JAKMIP3: variants seen among roughly 807,000 people sequenced by gnomAD.
JAKMIP3 encodes janus kinase and microtubule-interacting protein 3.
A neutral mutation model predicts 118.5 loss-of-function variants in JAKMIP3; 58 were observed. The ratio of observed to expected loss-of-function variants is 0.49; its 90% CI spans 0.40 to 0.61. The LOEUF is 0.61. Among genes scored for constraint, JAKMIP3 ranks in the 20% least tolerant of loss-of-function variants. The pLI is 0.00. For synonymous variants in JAKMIP3, 486 were observed against 451.2 expected (o/e 1.08, Z -0.98); for missense variants, 950 against 1,109.0 (o/e 0.86, Z 2.04).
intron 9 of JAKMIP3, among the ~76,000 whole-genome samples, chr10:132,139,389 T>C (rs1388770557): frequency 6.8e-6 from 1 of 148,108 alleles, no homozygotes; most frequent in African/African-American, 2.6e-5. Flanking sequence ...TATGTGAGTG[T>C]ATGAGTATGT....
upstream of JAKMIP3, among the ~76,000 whole-genome samples, chr10:132,036,616 C>T (rs1386417280): frequency 3.3e-5 from 5 of 150,772 alleles, no homozygotes; most frequent in African/African-American, 9.7e-5. Context: ...GTGGGGGCGG[C>T]GGGGCGGGCC....
upstream of JAKMIP3, among the ~76,000 whole-genome samples, chr10:132,061,705 A>G (rs2038404168): frequency 6.6e-6 from 1 of 152,226 alleles, no homozygotes. Flanking sequence ...GGAAGGGTGC[A>G]CGCTTGGCTT....
chr10:132,172,445 G>T lies in JAKMIP3; in HGVS notation c.*1103+3412G>T, dbSNP rs537996067. 7.9e-5 allele frequency among the ~76,000 whole-genome samples: 12 copies of T among 152,038 alleles called. 1 individual carries two copies. ...AACACCACGTTTCTCTGTGAACGTTGCCCCGATCTCCGCACCCGTTGGTGG... is the reference window on the plus strand; with the variant it reads ...AACACCACGTTTCTCTGTGAACGTTTCCCCGATCTCCGCACCCGTTGGTGG... On this transcript the variant is annotated intron_variant, in intron 23 of 23. Transcript: ENST00000684848.
chr10:132,097,929 C>CTTCCTTTT (rs1395754610), intron 1 of JAKMIP3, among the ~76,000 whole-genome samples: 2 of 23,536 alleles, frequency 8.5e-5, no homozygotes, highest in Admixed American at 4.5e-4. Context: ...CCTTTCCTTC[C>CTTCCTTTT]CCTTCCCCTT....
intron 1 of JAKMIP3, among the ~76,000 whole-genome samples, chr10:132,093,520 C>T (rs1004056168): frequency 4.6e-5 from 7 of 152,188 alleles, no homozygotes; most frequent in South Asian, 4.1e-4. Flanking sequence ...GCTCCGTGGG[C>T]GTGGGACCCT....
At chr10:132,180,548 T>TGTGTGTGTGCGC (rs1447452932) in intron 23 of JAKMIP3, among the ~76,000 whole-genome samples, 6 of 30,836 alleles carry the variant, frequency 1.9e-4, no homozygotes, top group African/African-American at 1.1e-3. Flanking sequence ...TGTGTGTGCG[T>TGTGTGTGTGCGC]GCGTGCATGC....
chr10:132,077,413 G>A lies in JAKMIP3; in HGVS notation c.-138+11352G>A, dbSNP rs113152190. On this transcript the variant is annotated intron_variant, in intron 1 of 23. Coordinates refer to ENST00000684848, the MANE Select transcript of JAKMIP3 (RefSeq NM_001323087.2). The stretch of plus-strand genomic sequence containing the variant: ...AACTTGGTCCCAGCTCTTCTGAAGG[G>A]CACACTGGGCCACAGGGGGCCCGAA... Among the ~76,000 whole-genome samples, 408 of 152,278 alleles carry A rather than the reference G, an allele frequency of 2.7e-3. 4 individuals carry two copies. The highest frequency in any genetic ancestry group is 9.2e-3 in the African/African-American group (381 of 41,562).
intron 3 of JAKMIP3, among the ~76,000 whole-genome samples, chr10:132,130,026 T>C (rs2050276137): frequency 6.6e-6 from 1 of 152,110 alleles, no homozygotes; most frequent in Non-Finnish European, 1.5e-5. Flanking sequence ...TCCCAAGGGT[T>C]AATTCCCAGA....
rs1026833304 is a variant in JAKMIP3, at chr10:132,183,128, A to G, written c.*1875A>G. 1 of 152,226 alleles carries G rather than the reference A, an allele frequency of 6.6e-6. No individual in the cohort carries two copies. Among genetic ancestry groups the G allele is most frequent in the Admixed American group, 6.5e-5 (1 of 15,286 alleles). The allele number at this position is 152,226 out of a possible 1,614,324, so 9.4% of individuals were successfully genotyped here. On this transcript the variant is annotated 3_prime_UTR_variant, in exon 24 of 24. Coordinates refer to ENST00000684848, the MANE Select transcript of JAKMIP3 (RefSeq NM_001323087.2). ...ACTGCATCTTCTTGGCACATTTATTATACTCACAACTGAATGGCACACAAT... is the reference window on the plus strand; with the variant it reads ...ACTGCATCTTCTTGGCACATTTATTGTACTCACAACTGAATGGCACACAAT...
At chr10:132,060,849 G>A (rs1316952097), upstream of JAKMIP3, among the ~76,000 whole-genome samples, 8 of 152,020 alleles carry the variant, frequency 5.3e-5, no homozygotes, top group African/African-American at 1.7e-4. Context: ...GTGAAACTCC[G>A]TCTCCACTAA....
At position 132,104,747 on chromosome 10, in the gene JAKMIP3, C is replaced by A; in HGVS notation, c.-62C>A. ...GCTTGGCGTGGACACCCCAGCCACC[C>A]CCAGCCCAGCCCAGCCGGAGCACCC... On this transcript the variant is annotated 5_prime_UTR_variant, in exon 2 of 24. Coordinates refer to ENST00000684848, the MANE Select transcript of JAKMIP3 (RefSeq NM_001323087.2). 1 of 1,522,252 alleles carries A rather than the reference C, an allele frequency of 6.6e-7. No homozygotes were observed. Among genetic ancestry groups the A allele is most frequent in the East Asian group, 2.5e-5 (1 of 40,510 alleles). 94.3% of individuals were successfully genotyped at this position (1,522,252 alleles called of 1,614,324 possible).
rs112366734 is a variant in JAKMIP3, at chr10:132,112,043, G to A, written c.136-5034G>A. ...AGGTGTTGGCAGGCGGGGGTAGAGCGTGCGGGTGGACGGTGCATGGGATGC... is the reference window on the plus strand; with the variant it reads ...AGGTGTTGGCAGGCGGGGGTAGAGCATGCGGGTGGACGGTGCATGGGATGC... On this transcript the variant is annotated intron_variant, in intron 2 of 23. Transcript: ENST00000684848. This position sits in a 1 kb window ranked among gnomAD's most constrained non-coding sequence, Gnocchi z 4.3. 0.012 allele frequency among the ~76,000 whole-genome samples: 1,778 copies of A among 152,188 alleles called. 32 individuals carry two copies. The highest frequency in any genetic ancestry group is 0.04 in the African/African-American group (1,674 of 41,506).
rs1364082874 is a variant in JAKMIP3 at position 132,183,560 on chromosome 10, C to G, written c.*2307C>G. Reference sequence around the variant, plus strand: ...AGAAGCATGTAAATATGTACCAAATCCTTATGAAGTTGTAATTGTTTATAT... The same window carrying G: ...AGAAGCATGTAAATATGTACCAAATGCTTATGAAGTTGTAATTGTTTATAT... On this transcript the variant is annotated 3_prime_UTR_variant, in exon 24 of 24. Transcript: ENST00000684848. The G allele has an allele frequency of 6.6e-6, 1 of 152,132 alleles. No individual in the cohort carries two copies. The highest frequency in any genetic ancestry group is 1.5e-5 in the Non-Finnish European group (1 of 68,034). 9.4% of individuals were successfully genotyped at this position (152,132 alleles called of 1,614,324 possible). A position where few individuals can be genotyped will look rare whatever the true frequency, so the allele number is the denominator to read the frequency against.
intron 1 of JAKMIP3, among the ~76,000 whole-genome samples, chr10:132,090,641 A>G (rs564224581): frequency 6.6e-6 from 1 of 152,164 alleles, no homozygotes; most frequent in South Asian, 2.1e-4. Flanking sequence ...AATTTTGTTG[A>G]TCTTTTCAAA....
chr10:132,168,452 A>T lies in JAKMIP3; in HGVS notation c.*522A>T. The T allele has an allele frequency of 1.6e-6, 2 of 1,256,118 alleles. No homozygotes were observed. Among genetic ancestry groups the T allele is most frequent in the South Asian group, 1.3e-5 (1 of 79,490 alleles). The allele number at this position is 1,256,118 out of a possible 1,614,324, so 77.8% of individuals were successfully genotyped here. On this transcript the variant is annotated 3_prime_UTR_variant, in exon 23 of 24. Transcript: ENST00000684848. ...CAGGGGAACCTGGAGGCTCCCTGGG[A>T]TGGTCCTGGGAGGGCTCCCCGACGC...
At chr10:132,164,582 T>C in intron 20 of JAKMIP3, 88 bp from the exon 21 acceptor site, 1 of 898,710 alleles carries the variant, frequency 1.1e-6, no homozygotes, top group Non-Finnish European at 1.8e-6. Flanking sequence ...CGACGATCTG[T>C]TACCAAGGAA....
chr10:132,100,068 G>A (rs1016590419), intron 1 of JAKMIP3, among the ~76,000 whole-genome samples: 4 of 152,148 alleles, frequency 2.6e-5, no homozygotes, highest in African/African-American at 9.7e-5. Flanking sequence ...CACCCACCCT[G>A]GCTCCTGCCC....
chr10:132,102,614 G>C (rs918877284), intron 1 of JAKMIP3, among the ~76,000 whole-genome samples: 1 of 152,200 alleles, frequency 6.6e-6, no homozygotes, highest in African/African-American at 2.4e-5. Flanking sequence ...TGGTTCCTGG[G>C]TGTCTGCATC....
chr10:132,159,777 CT>C (rs2057774980), intron 19 of JAKMIP3, among the ~76,000 whole-genome samples: 1 of 21,836 alleles, frequency 4.6e-5, no homozygotes, highest in Non-Finnish European at 7.2e-5. Context: ...ACTGGGGGGT[CT>C]CTTCCTGTGT....
Sources: allele counts gnomAD v4.1 joint callset (sites outside exome capture counted in the v4.1 genomes callset), GRCh38; gene constraint gnomAD v4.1.1; non-coding constraint Gnocchi (gnomAD v3.1); transcripts MANE v1.5; gene names NCBI Gene and HGNC (gene_info 2026-07-23, HGNC 2026-07-21).